The following ZDHHC20 variants were observed in gnomAD, a reference collection of about 807,000 sequenced individuals.
ZDHHC20 encodes the protein palmitoyltransferase ZDHHC20.
Under a neutral mutation model 57.8 loss-of-function variants are expected in ZDHHC20, and 43 were observed. The ratio of observed to expected loss-of-function variants is 0.74; its 90% CI spans 0.58 to 0.96. The LOEUF is 0.96. Ranked by LOEUF, ZDHHC20 falls within the 40% of genes least tolerant of loss-of-function variation. The pLI, the probability that ZDHHC20 is intolerant of heterozygous loss-of-function variation, is 0.00. For missense variants in ZDHHC20, 391 were observed against 441.1 expected (o/e 0.89, Z 1.02); for synonymous variants, 157 against 153.0 (o/e 1.03, Z -0.19).
chr13:21,385,185 T>G (rs1874235444), intron 9 of ZDHHC20, among the ~76,000 whole-genome samples: 1 of 152,054 alleles, frequency 6.6e-6, no homozygotes, highest in Non-Finnish European at 1.5e-5. Flanking sequence ...TAGCAGCACT[T>G]TGGGAGGATG....
Position 21,448,109 on chromosome 13 carries a change from G to C in ZDHHC20, c.118+10945C>G, listed in dbSNP as rs1395332826. ...GGCAGCCGCCCCGTCTGGGAGGTGAGGAGCCTCTCCGCCCGGCAGCCACCC... is the reference window on the plus strand; with the variant it reads ...GGCAGCCGCCCCGTCTGGGAGGTGACGAGCCTCTCCGCCCGGCAGCCACCC... On this transcript the variant is annotated intron_variant, in intron 1 of 12. Transcript: ENST00000400590. Among the ~76,000 whole-genome samples the C allele has an allele frequency of 4.2e-5, 6 of 144,344 alleles. No homozygotes were observed. The East Asian group carries it at 8.1e-4, about 19-fold the overall frequency. 94.7% of individuals were successfully genotyped at this position (144,344 alleles called of 152,430 possible).
chr13:21,396,079 C>T (rs1189174529), intron 7 of ZDHHC20, among the ~76,000 whole-genome samples: 1 of 152,162 alleles, frequency 6.6e-6, no homozygotes. Flanking sequence ...GAGTCCTCTG[C>T]AATTCCTGCA....
chr13:21,379,656 G>A (rs1020947862), intron 11 of ZDHHC20, among the ~76,000 whole-genome samples: 4 of 152,058 alleles, frequency 2.6e-5, no homozygotes, highest in Non-Finnish European at 5.9e-5. Context: ...ATGTGTTTTA[G>A]ACTGTAATGC....
At chr13:21,420,229 G>C (rs534681503) in intron 3 of ZDHHC20, among the ~76,000 whole-genome samples, 7 of 152,340 alleles carry the variant, frequency 4.6e-5, no homozygotes, top group African/African-American at 1.7e-4. Context: ...GGAGGTTGTA[G>C]TGAGCCAAGA....
chr13:21,384,726 G>C lies in ZDHHC20; in HGVS notation c.855-1717C>G, dbSNP rs572772086. ...CTGGGGCGATCTCACTGAACACATGGATTTGGTAGAAATTCCATTTATTGG... is the reference window on the plus strand; with the variant it reads ...CTGGGGCGATCTCACTGAACACATGCATTTGGTAGAAATTCCATTTATTGG... On this transcript the variant is annotated intron_variant, in intron 9 of 12. Coordinates refer to ENST00000400590, the MANE Select transcript of ZDHHC20 (RefSeq NM_001330059.2). 2.0e-5 allele frequency among the ~76,000 whole-genome samples: 3 copies of C among 152,320 alleles called. No homozygotes were observed. In the East Asian group the frequency reaches 5.8e-4, roughly 29 times the overall value.
intron 7 of ZDHHC20, among the ~76,000 whole-genome samples, chr13:21,397,061 G>A (rs1189282144): frequency 6.6e-6 from 1 of 152,038 alleles, no homozygotes; most frequent in African/African-American, 2.4e-5. Flanking sequence ...CCAATTTATT[G>A]ATCTTTTCTT....
At chr13:21,440,983 C>A (rs1300678255) in intron 1 of ZDHHC20, among the ~76,000 whole-genome samples, 1 of 152,032 alleles carries the variant, frequency 6.6e-6, no homozygotes, top group Non-Finnish European at 1.5e-5. Context: ...TACTTCCTGC[C>A]CCCACAGTTT....
intron 7 of ZDHHC20, among the ~76,000 whole-genome samples, chr13:21,392,671 A>G (rs536096028): frequency 6.6e-6 from 1 of 152,222 alleles, no homozygotes; most frequent in Admixed American, 6.5e-5. Flanking sequence ...GCAGCCTTTA[A>G]ATGTTAGCTC....
At chr13:21,407,678 C>T (rs966309772) in intron 4 of ZDHHC20, among the ~76,000 whole-genome samples, 3 of 152,174 alleles carry the variant, frequency 2.0e-5, no homozygotes, top group African/African-American at 7.2e-5. Context: ...GTGTTTTAGT[C>T]ATTAAGTCTT....
chr13:21,451,712 G>A (rs371717149), intron 1 of ZDHHC20, among the ~76,000 whole-genome samples: 9 of 152,042 alleles, frequency 5.9e-5, no homozygotes, highest in South Asian at 2.1e-4. Flanking sequence ...CTTATTGGCC[G>A]GGCACGGTGG....
At chr13:21,384,011 T>A (rs960142693) in intron 9 of ZDHHC20, among the ~76,000 whole-genome samples, 8 of 151,960 alleles carry the variant, frequency 5.3e-5, no homozygotes, top group African/African-American at 1.9e-4. Context: ...AGTAGAGAAC[T>A]GTGGTCTCAG....
chr13:21,410,018 A>C (rs190428556), intron 4 of ZDHHC20, among the ~76,000 whole-genome samples: 162 of 152,090 alleles, frequency 1.1e-3, no homozygotes, highest in African/African-American at 3.2e-3. Context: ...ATCTTCGTGG[A>C]TTTATCTACC....
chr13:21,414,076 A>G (rs1879595592), intron 3 of ZDHHC20, among the ~76,000 whole-genome samples: 1 of 152,162 alleles, frequency 6.6e-6, no homozygotes, highest in African/African-American at 2.4e-5. Flanking sequence ...AGTCTCCATT[A>G]GTAAAAATTT....
At chr13:21,428,645 G>A (rs1881565499) in intron 1 of ZDHHC20, among the ~76,000 whole-genome samples, 1 of 151,836 alleles carries the variant, frequency 6.6e-6, no homozygotes, top group Admixed American at 6.6e-5. Flanking sequence ...TGGATCACGA[G>A]GTCAGGAGTT....
In ZDHHC20 at chr13:21,374,238, A is replaced by T. The variant is rs544383331; in HGVS notation, c.*2458T>A. 4.9e-5 allele frequency: 13 copies of T among 266,650 alleles called. No individual in the cohort carries two copies. The highest frequency in any genetic ancestry group is 9.5e-5 in the Non-Finnish European group (12 of 126,212). 16.5% of individuals were successfully genotyped at this position (266,650 alleles called of 1,614,324 possible). Reference sequence around the variant, plus strand: ...TAGTTGGTAATTGATATATATATATATTTTTGAGATGGAGTTTCACTCGTC... The same window carrying T: ...TAGTTGGTAATTGATATATATATATTTTTTTGAGATGGAGTTTCACTCGTC... On this transcript the variant is annotated 3_prime_UTR_variant, in exon 13 of 13. Transcript: ENST00000400590.
chr13:21,397,715 T>C (rs1877025682), intron 7 of ZDHHC20, among the ~76,000 whole-genome samples: 1 of 152,086 alleles, frequency 6.6e-6, no homozygotes, highest in African/African-American at 2.4e-5. Context: ...GACAAACTCT[T>C]TTCATGTGTA....
chr13:21,415,357 T>C (rs1403781202), intron 3 of ZDHHC20, among the ~76,000 whole-genome samples: 2 of 152,190 alleles, frequency 1.3e-5, no homozygotes, highest in East Asian at 1.9e-4. Flanking sequence ...CACCATACTT[T>C]AGGAAATAGA....
intron 1 of ZDHHC20, 74 bp from the exon 2 acceptor site, chr13:21,425,752 A>T: frequency 2.2e-6 from 2 of 888,950 alleles, no homozygotes; most frequent in Admixed American, 4.7e-5. Flanking sequence ...CAGGTTGAAT[A>T]TTCATCTTAA....
intron 8 of ZDHHC20, among the ~76,000 whole-genome samples, chr13:21,390,985 TTTC>T (rs1875600975): frequency 1.3e-5 from 2 of 152,076 alleles, no homozygotes; most frequent in African/African-American, 2.4e-5. Flanking sequence ...ATATAAAGGT[TTTC>T]TTATTTGAGA....
Sources: gnomAD v4.1 joint callset for allele counts (sites outside exome capture counted in the v4.1 genomes callset) on GRCh38, gnomAD v4.1.1 for gene constraint, MANE v1.5 for transcripts, NCBI Gene and HGNC (gene_info 2026-07-23, HGNC 2026-07-21) for gene names.